The following NTNG1 variants were observed in gnomAD, a reference collection of about 807,000 sequenced individuals.
NTNG1 encodes netrin-G1.
NTNG1 carries 16 observed loss-of-function variants against 54.0 expected under a neutral mutation model. That is an observed-to-expected ratio of 0.30 (90% CI 0.20 to 0.45). NTNG1 has a LOEUF of 0.45. NTNG1 is among the 20% of genes least tolerant of loss of function. The probability of loss-of-function intolerance (pLI) is 1.00; values close to 1 mark genes in which losing one functional copy is unlikely to be tolerated. For synonymous variants in NTNG1, 255 were observed against 263.1 expected, an observed-to-expected ratio of 0.97 and a Z score of 0.30; for missense variants, 530 against 678.7, an observed-to-expected ratio of 0.78 and a Z score of 2.43.
chr1:107,162,971 G>C (rs1000061495), intron 2 of NTNG1, among the ~76,000 whole-genome samples: 11 of 152,080 alleles, frequency 7.2e-5, no homozygotes, highest in African/African-American at 2.7e-4. Context: ...AGCAAGGAAG[G>C]GTTCTATTTC....
At chr1:107,159,285 C>T (rs1416193277) in intron 2 of NTNG1, among the ~76,000 whole-genome samples, 1 of 152,150 alleles carries the variant, frequency 6.6e-6, no homozygotes, top group Non-Finnish European at 1.5e-5. Flanking sequence ...ATCAATGTGG[C>T]TACTATCTGG....
At position 107,302,613 on chromosome 1, in the gene NTNG1, T is replaced by C. The variant is rs999816501; in HGVS notation, c.247-21669T>C. 6.5e-4 allele frequency among the ~76,000 whole-genome samples: 99 copies of C among 151,900 alleles called. 1 individual carries two copies. Among genetic ancestry groups the C allele is most frequent in the Admixed American group, 2.6e-4 (4 of 15,226 alleles). On this transcript the variant is annotated intron_variant, in intron 2 of 7. Coordinates refer to ENST00000370068, the MANE Select transcript of NTNG1 (RefSeq NM_001113226.3). ...TTTTAAAGTATTGCTCAGTAGTGAG[T>C]CTTAATATATGTCAGAATAGTACAG...
Position 107,148,394 on chromosome 1 carries a change from A to G in NTNG1, c.-200A>G. ...TCCACCAAAGTCCTCAATATACCTG[A>G]ATACGCACAATATCTTAACTCTTCA... On this transcript the variant is annotated 5_prime_UTR_variant, in exon 2 of 8. An upstream open reading frame in the 5' UTR loses its in-frame stop. Transcript: ENST00000370068. 1.8e-6 allele frequency: 1 copy of G among 565,128 alleles called. No individual in the cohort carries two copies. The highest frequency in any genetic ancestry group is 3.1e-6 in the Non-Finnish European group (1 of 318,008). The allele number at this position is 565,128 out of a possible 1,614,324, so 35.0% of individuals were successfully genotyped here. A position where few individuals can be genotyped will look rare whatever the true frequency, so the allele number is the denominator to read the frequency against.
intron 2 of NTNG1, among the ~76,000 whole-genome samples, chr1:107,166,858 A>G (rs946625296): frequency 2.0e-5 from 3 of 152,186 alleles, no homozygotes; most frequent in African/African-American, 4.8e-5. Flanking sequence ...TACAATATCT[A>G]CATAACAGTA....
chr1:107,207,965 C>T (rs1197453448), intron 2 of NTNG1, among the ~76,000 whole-genome samples: 3 of 152,134 alleles, frequency 2.0e-5, no homozygotes, highest in Non-Finnish European at 4.4e-5. Context: ...TGACTCGCTA[C>T]CAGGGACTCG....
At chr1:107,190,271 T>G (rs1444210536) in intron 2 of NTNG1, among the ~76,000 whole-genome samples, 6 of 152,120 alleles carry the variant, frequency 3.9e-5, no homozygotes, top group African/African-American at 2.4e-5. Context: ...CTCACTTAAT[T>G]CCACTGAATT....
chr1:107,418,799 C>T (rs1674384014), intron 5 of NTNG1, among the ~76,000 whole-genome samples: 2 of 151,810 alleles, frequency 1.3e-5, no homozygotes, highest in Non-Finnish European at 2.9e-5. Flanking sequence ...TGAAGAGTGT[C>T]CCAAAAATAT....
chr1:107,355,542 A>G (rs1669887026), intron 3 of NTNG1, among the ~76,000 whole-genome samples: 1 of 152,150 alleles, frequency 6.6e-6, no homozygotes, highest in African/African-American at 2.4e-5. Context: ...CAAACTTCAG[A>G]GCACATAGTG....
At chr1:107,424,599 G>T (rs142291818) in intron 5 of NTNG1, among the ~76,000 whole-genome samples, 42 of 152,190 alleles carry the variant, frequency 2.8e-4, no homozygotes, top group African/African-American at 9.6e-4. Context: ...AGGAAAAGGT[G>T]GTAGAGATGG....
In NTNG1 at chr1:107,482,607, C is replaced by T. The variant is rs944689334; in HGVS notation, c.*1767C>T. 6.6e-6 allele frequency: 1 copy of T among 152,186 alleles called. No individual in the cohort carries two copies. Among genetic ancestry groups the T allele is most frequent in the Non-Finnish European group, 1.5e-5 (1 of 68,092 alleles). 9.4% of individuals were successfully genotyped at this position (152,186 alleles called of 1,614,324 possible). A position where few individuals can be genotyped will look rare whatever the true frequency, so the allele number is the denominator to read the frequency against. On this transcript the variant is annotated 3_prime_UTR_variant, in exon 8 of 8. Transcript: ENST00000370068. ...CCTGGAATCAAAAACAATTATCAGC[C>T]CGAACCAGAGTCTTAAGGACAATGA...
rs535984883 is a variant in NTNG1 at position 107,170,341 on chromosome 1, G to A, written c.246+21502G>A. ...TCTTTTTTTCTTGGGCCACATCAAT[G>A]TCATGTATGAAAATTCAAATGAGTA... On this transcript the variant is annotated intron_variant, in intron 2 of 7. Transcript: ENST00000370068. Among the ~76,000 whole-genome samples the A allele has an allele frequency of 2.0e-4, 30 of 152,216 alleles. No individual in the cohort carries two copies. The South Asian group carries it at 5.8e-3, about 29-fold the overall frequency.
Position 107,480,876 on chromosome 1 carries a change from G to C in NTNG1, c.*36G>C. The stretch of plus-strand genomic sequence containing the variant: ...CAGCCACACCGGACGGGCCTGTGCC[G>C]TGGGGAAGCAGACACAACCCAAACA... On this transcript the variant is annotated 3_prime_UTR_variant, in exon 8 of 8. Transcript: ENST00000370068. The C allele has an allele frequency of 6.7e-7, 1 of 1,487,364 alleles. No homozygotes were observed. The highest frequency in any genetic ancestry group is 9.2e-7 in the Non-Finnish European group (1 of 1,092,388). The allele number at this position is 1,487,364 out of a possible 1,614,324, so 92.1% of individuals were successfully genotyped here. A position where few individuals can be genotyped will look rare whatever the true frequency, so the allele number is the denominator to read the frequency against.
chr1:107,453,863 G>A (rs1409532066), intron 7 of NTNG1, among the ~76,000 whole-genome samples: 1 of 152,034 alleles, frequency 6.6e-6, no homozygotes, highest in Admixed American at 6.6e-5. Context: ...ACTCATTTTA[G>A]AGATGAGGAA....
chr1:107,189,664 A>G (rs1346164109), intron 2 of NTNG1, among the ~76,000 whole-genome samples: 1 of 152,096 alleles, frequency 6.6e-6, no homozygotes, highest in Non-Finnish European at 1.5e-5. Context: ...CTGAATGTAT[A>G]AACCATCAGT....
intron 7 of NTNG1, among the ~76,000 whole-genome samples, chr1:107,454,141 T>C (rs1034353890): frequency 8.5e-5 from 13 of 152,172 alleles, no homozygotes; most frequent in Non-Finnish European, 1.8e-4. Context: ...TACTCATTAA[T>C]GGGAGTGTTG....
intron 2 of NTNG1, 40 bp downstream of exon 2, chr1:107,148,879 G>C (rs765587903): frequency 1.3e-6 from 2 of 1,589,708 alleles, no homozygotes; most frequent in Admixed American, 3.4e-5. Flanking sequence ...CATATAAATA[G>C]GGTCTAATCG....
intron 7 of NTNG1, among the ~76,000 whole-genome samples, chr1:107,477,385 G>A (rs960247145): frequency 2.0e-5 from 3 of 152,230 alleles, no homozygotes; most frequent in Admixed American, 1.3e-4. Flanking sequence ...ACAGAGTCAA[G>A]GAAACAGGAT....
chr1:107,293,240 T>A (rs1570603747), intron 2 of NTNG1, among the ~76,000 whole-genome samples: 1 of 152,176 alleles, frequency 6.6e-6, no homozygotes, highest in Non-Finnish European at 1.5e-5. Flanking sequence ...TTGGCCAAGG[T>A]AGATTTAAAA....
At chr1:107,144,386 A>T (rs537680064) in intron 1 of NTNG1, among the ~76,000 whole-genome samples, 2 of 152,198 alleles carry the variant, frequency 1.3e-5, no homozygotes, top group South Asian at 4.1e-4. Flanking sequence ...CTGAATATTT[A>T]TGAAAAAAAT....
Sources: allele counts gnomAD v4.1 joint callset (sites outside exome capture counted in the v4.1 genomes callset), GRCh38; gene constraint gnomAD v4.1.1; transcripts MANE v1.5; gene names NCBI Gene and HGNC (gene_info 2026-07-23, HGNC 2026-07-21).